The following MGMT variants were observed in gnomAD, a reference collection of about 807,000 sequenced individuals.
The protein encoded by MGMT is methylated-DNA--protein-cysteine methyltransferase.
In MGMT, 14 loss-of-function variants were observed where a neutral mutation model predicts 15.9. The observed-to-expected ratio is 0.88, with a 90% CI of 0.58 to 1.37. The LOEUF is 1.37. Among genes scored for constraint, MGMT ranks in the 40% most tolerant of loss-of-function variants. MGMT has a pLI of 0.00. For synonymous variants in MGMT, 130 were observed against 118.2 expected (o/e 1.10, Z -0.65); for missense variants, 282 against 268.1 (o/e 1.05, Z -0.36).
At chr10:129,531,779 T>TG (rs1434419226) in intron 1 of MGMT, among the ~76,000 whole-genome samples, 2 of 1,020 alleles carry the variant, frequency 2.0e-3, no homozygotes, top group African/African-American at 2.7e-3. Flanking sequence ...CGGGGGCTGG[T>TG]GGGGGTGGGG....
intron 1 of MGMT, among the ~76,000 whole-genome samples, chr10:129,495,700 A>C (rs1356222139): frequency 6.6e-6 from 1 of 152,236 alleles, no homozygotes; most frequent in African/African-American, 2.4e-5. Flanking sequence ...CTTCCTGTCA[A>C]ACGTGTATGG....
chr10:129,605,283 A>T (rs888178526), intron 2 of MGMT, among the ~76,000 whole-genome samples: 5 of 152,094 alleles, frequency 3.3e-5, no homozygotes, highest in Non-Finnish European at 7.3e-5. Context: ...ATTATTTTTT[A>T]AAAAACTTAC....
intron 2 of MGMT, among the ~76,000 whole-genome samples, chr10:129,678,513 T>A (rs946925372): frequency 6.6e-5 from 10 of 152,112 alleles, no homozygotes; most frequent in Non-Finnish European, 7.4e-5. Flanking sequence ...ATGCATCACC[T>A]CCAGTTACCT....
intron 2 of MGMT, among the ~76,000 whole-genome samples, chr10:129,671,076 G>A (rs561560470): frequency 5.3e-5 from 8 of 152,258 alleles, no homozygotes; most frequent in East Asian, 1.9e-4. Flanking sequence ...AGCCAGCTCC[G>A]AGAGCCAGTT....
In MGMT at chr10:129,706,888, A is replaced by G. The variant is rs778540206; in HGVS notation, c.126-1007A>G. Among the ~76,000 whole-genome samples the G allele has an allele frequency of 2.2e-4, 34 of 152,138 alleles. 1 individual carries two copies. Among genetic ancestry groups the G allele is most frequent in the Non-Finnish European group, 4.0e-4 (27 of 68,028 alleles). ...ACAGATGAATGAACACCCCAAACAG[A>G]AGCAGCCACAAAACAGTCTGAAGCG... On this transcript the variant is annotated intron_variant, in intron 2 of 4. Coordinates refer to ENST00000651593, the MANE Select transcript of MGMT (RefSeq NM_002412.5).
intron 2 of MGMT, among the ~76,000 whole-genome samples, chr10:129,601,365 C>T (rs544942140): frequency 6.6e-6 from 1 of 152,148 alleles, no homozygotes; most frequent in Non-Finnish European, 1.5e-5. Flanking sequence ...TTCTTTATGT[C>T]TTCTGTTTAA....
intron 1 of MGMT, among the ~76,000 whole-genome samples, chr10:129,529,824 T>C (rs1845910909): frequency 1.3e-5 from 2 of 152,170 alleles, no homozygotes; most frequent in South Asian, 2.1e-4. Flanking sequence ...TTTTTTTGTA[T>C]GTTATATTTA....
At chr10:129,655,412 A>G (rs1847514127) in intron 2 of MGMT, among the ~76,000 whole-genome samples, 1 of 152,186 alleles carries the variant, frequency 6.6e-6, no homozygotes, top group African/African-American at 2.4e-5. Context: ...AAAACCCATT[A>G]AGGTCTGATT....
chr10:129,572,871 A>G (rs1846436242), intron 2 of MGMT, among the ~76,000 whole-genome samples: 1 of 152,118 alleles, frequency 6.6e-6, no homozygotes, highest in African/African-American at 2.4e-5. Context: ...TTAAGTCCCT[A>G]TTATTAATAT....
Position 129,598,602 on chromosome 10 carries a change from C to T in MGMT, c.125+62225C>T, listed in dbSNP as rs568137443. Among the ~76,000 whole-genome samples, 6 of 152,244 alleles carry T rather than the reference C, an allele frequency of 3.9e-5. No individual in the cohort carries two copies. The East Asian group carries it at 5.8e-4, about 15-fold the overall frequency. On this transcript the variant is annotated intron_variant, in intron 2 of 4. Coordinates refer to ENST00000651593, the MANE Select transcript of MGMT (RefSeq NM_002412.5). ...ACGCAAGAAAGCAAAATGTGCTGCC[C>T]GATTACTAAGCATGGAGTTAAACTC... is the stretch of plus-strand genomic sequence containing the variant.
intron 2 of MGMT, among the ~76,000 whole-genome samples, chr10:129,658,925 G>GT (rs1391229713): frequency 2.0e-5 from 3 of 152,068 alleles, no homozygotes; most frequent in Admixed American, 1.3e-4. Flanking sequence ...AGGTGTCGCT[G>GT]TAATTTCTTG....
At chr10:129,746,132 A>G (rs774048880) in intron 3 of MGMT, among the ~76,000 whole-genome samples, 5 of 151,474 alleles carry the variant, frequency 3.3e-5, no homozygotes, top group African/African-American at 1.2e-4. Flanking sequence ...CCAGCTACTC[A>G]GGAGGCTGAA....
chr10:129,552,444 C>T (rs1042487850), intron 2 of MGMT, among the ~76,000 whole-genome samples: 1 of 152,224 alleles, frequency 6.6e-6, no homozygotes, highest in African/African-American at 2.4e-5. Context: ...TTGCCACAGA[C>T]GTGGGTTTGT....
At chr10:129,719,538 G>A (rs1489989071) in intron 3 of MGMT, among the ~76,000 whole-genome samples, 1 of 152,168 alleles carries the variant, frequency 6.6e-6, no homozygotes, top group East Asian at 1.9e-4. Context: ...TGCTGAGGCT[G>A]TCCTGCTTGC....
At chr10:129,616,691 G>A (rs1038041034) in intron 2 of MGMT, among the ~76,000 whole-genome samples, 8 of 152,208 alleles carry the variant, frequency 5.3e-5, no homozygotes, top group Admixed American at 3.9e-4. Context: ...GAGTCACCTT[G>A]TTAACTAGAC....
chr10:129,536,108 C>G, intron 1 of MGMT, 133 bp from the exon 2 acceptor site: 2 of 1,013,386 alleles, frequency 2.0e-6, no homozygotes, highest in South Asian at 3.2e-5. Context: ...AATGATGCAT[C>G]GTATAATTCC....
chr10:129,598,490 C>T (rs1846779214), intron 2 of MGMT, among the ~76,000 whole-genome samples: 1 of 152,176 alleles, frequency 6.6e-6, no homozygotes, highest in South Asian at 2.1e-4. Context: ...GTGGCCCACA[C>T]TCCCCTGCAG....
chr10:129,690,895 G>A (rs891686443), intron 2 of MGMT, among the ~76,000 whole-genome samples: 6 of 152,272 alleles, frequency 3.9e-5, no homozygotes, highest in Non-Finnish European at 5.9e-5. Context: ...GTGATGACTC[G>A]GGGAGGCTTG....
intron 2 of MGMT, among the ~76,000 whole-genome samples, chr10:129,584,401 G>A (rs2133049136): frequency 6.6e-6 from 1 of 151,634 alleles, no homozygotes; most frequent in East Asian, 2.0e-4. Flanking sequence ...CAAAAAGCAT[G>A]TATGGCTGCT....
Sources: gnomAD v4.1 joint callset for allele counts (sites outside exome capture counted in the v4.1 genomes callset) on GRCh38, gnomAD v4.1.1 for gene constraint, MANE v1.5 for transcripts, NCBI Gene and HGNC (gene_info 2026-07-23, HGNC 2026-07-21) for gene names.